ROBO1: variants seen among roughly 807,000 people sequenced by gnomAD.
ROBO1 encodes the protein roundabout guidance receptor 1.
ROBO1 carries 149 observed loss-of-function variants against 195.9 expected under a neutral mutation model. The observed-to-expected ratio is 0.76, with a 90% CI of 0.67 to 0.87. The LOEUF is 0.87. Ranked by LOEUF, ROBO1 falls within the 40% of genes least tolerant of loss-of-function variation. ROBO1 has a pLI of 0.00. For missense variants in ROBO1, 1,933 were observed against 2,068.3 expected (o/e 0.93, Z 1.27); for synonymous variants, 816 against 733.2 (o/e 1.11, Z -1.82).
At chr3:78,918,108 T>G (rs1553764744) in intron 4 of ROBO1, among the ~76,000 whole-genome samples, 1 of 152,220 alleles carries the variant, frequency 6.6e-6, no homozygotes. Flanking sequence ...AACATTAGAT[T>G]GTGAGCATTC....
intron 2 of ROBO1, among the ~76,000 whole-genome samples, chr3:79,138,156 T>C (rs1370521923): frequency 6.6e-6 from 1 of 152,068 alleles, no homozygotes; most frequent in African/African-American, 2.4e-5. Context: ...TGATAATTAT[T>C]TCTAAAAATT....
Position 78,661,058 on chromosome 3 carries a change from T to G in ROBO1, c.2292A>C (p.Glu764Asp). Reference protein sequence around the residue: ...FFNEFQGADSEIKFAKTLEEA... With the variant: ...FFNEFQGADSDIKFAKTLEEA... Reference sequence around the variant, plus strand: ...CTTCCAGGGTTTTGGCAAACTTGATTTCACTATCTGCTCCTTGAAATTCAT... The same window carrying G: ...CTTCCAGGGTTTTGGCAAACTTGATGTCACTATCTGCTCCTTGAAATTCAT... Residue 764 changes from glutamate to aspartate, a missense_variant, in exon 16 of 31, where the codon GAA becomes GAC. Glu to Asp is a conservative substitution (Grantham distance 45). This residue lies in a region of ROBO1 where 1,737 missense variants were observed against 1,882.5 expected (regional missense o/e 0.92). Transcript: ENST00000464233. The G allele has an allele frequency of 1.2e-6, 2 of 1,613,030 alleles. No individual in the cohort carries two copies. The highest frequency in any genetic ancestry group is 1.7e-6 in the Non-Finnish European group (2 of 1,179,378).
At chr3:79,275,412 A>T (rs2030942454) in intron 2 of ROBO1, among the ~76,000 whole-genome samples, 1 of 151,990 alleles carries the variant, frequency 6.6e-6, no homozygotes, top group African/African-American at 2.4e-5. Context: ...CTGAAAAAGC[A>T]TTTGATACAT....
Position 79,191,068 on chromosome 3 carries a change from T to A in ROBO1, c.89-65529A>T, listed in dbSNP as rs112703441. Among the ~76,000 whole-genome samples, 134 of 151,744 alleles carry A rather than the reference T, an allele frequency of 8.8e-4. 1 individual carries two copies. Among genetic ancestry groups the A allele is most frequent in the African/African-American group, 3.1e-3 (129 of 41,496 alleles). On this transcript the variant is annotated intron_variant, in intron 2 of 30. Coordinates refer to ENST00000464233, the MANE Select transcript of ROBO1 (RefSeq NM_002941.4). ...AACTCGTATTTGCTGATAATAATTT[T>A]AAAATATGTAGAAAATATTAATTAA...
rs1489123495 is a variant in ROBO1, at chr3:78,786,602, G to T, written c.500-39702C>A. On this transcript the variant is annotated intron_variant, in intron 4 of 30. Transcript: ENST00000464233. ...GGTAGGAGGTAATTACATCATGGGG[G>T]TGGGTTTTTCCCATGCTGTTCTCCT... Among the ~76,000 whole-genome samples the T allele has an allele frequency of 2.6e-5, 4 of 152,036 alleles. No individual in the cohort carries two copies. In the South Asian group the frequency reaches 8.3e-4, roughly 32 times the overall value.
chr3:79,209,026 G>A lies in ROBO1; in HGVS notation c.89-83487C>T, dbSNP rs866629898. 2.0e-5 allele frequency among the ~76,000 whole-genome samples: 3 copies of A among 152,010 alleles called. No individual in the cohort carries two copies. The South Asian group carries it at 6.2e-4, about 32-fold the overall frequency. On this transcript the variant is annotated intron_variant, in intron 2 of 30. Transcript: ENST00000464233. ...AATTATTTTTTATTTTATTTCAATA[G>A]TTTTGGGGGGAACAGGTGGTTTTGT...
At chr3:79,476,531 G>A (rs919389356) in intron 2 of ROBO1, among the ~76,000 whole-genome samples, 1 of 151,846 alleles carries the variant, frequency 6.6e-6, no homozygotes, top group African/African-American at 2.4e-5. Context: ...ATCAACGAGT[G>A]GATAAATAAA....
At position 78,635,667 on chromosome 3, in the gene ROBO1, C is replaced by T. The variant is rs1258775975; in HGVS notation, c.3373+106G>A. On this transcript the variant is annotated intron_variant, in intron 23 of 30. Coordinates refer to ENST00000464233, the MANE Select transcript of ROBO1 (RefSeq NM_002941.4). Reference sequence around the variant, plus strand: ...CAAAGAAATAAGAAAATCTCAGCGACAGAAGAAAAGATTTTACTTGCTAGT... The same window carrying T: ...CAAAGAAATAAGAAAATCTCAGCGATAGAAGAAAAGATTTTACTTGCTAGT... 5 of 994,782 alleles carry T rather than the reference C, an allele frequency of 5.0e-6. No homozygotes were observed. The East Asian group carries it at 1.3e-4, about 25-fold the overall frequency. 61.6% of individuals were successfully genotyped at this position (994,782 alleles called of 1,614,324 possible).
chr3:78,898,312 T>A (rs2037362737), intron 4 of ROBO1, among the ~76,000 whole-genome samples: 1 of 149,580 alleles, frequency 6.7e-6, no homozygotes, highest in African/African-American at 2.5e-5. Flanking sequence ...AATACACAAG[T>A]CCTCTATGGA....
rs183578907 is a variant in ROBO1, at chr3:78,877,487, G to T, written c.499+61114C>A. Reference sequence around the variant, plus strand: ...AAAAAAAAATAGTACATTGGCTTAGGCTGAATTTCAAAAAGAAAAAAAATC... The same window carrying T: ...AAAAAAAAATAGTACATTGGCTTAGTCTGAATTTCAAAAAGAAAAAAAATC... On this transcript the variant is annotated intron_variant, in intron 4 of 30. Coordinates refer to ENST00000464233, the MANE Select transcript of ROBO1 (RefSeq NM_002941.4). Among the ~76,000 whole-genome samples, 581 of 151,724 alleles carry T rather than the reference G, an allele frequency of 3.8e-3. 7 individuals are homozygous for T. Among genetic ancestry groups the T allele is most frequent in the Middle Eastern group, 6.8e-3 (2 of 292 alleles).
chr3:79,636,884 AT>A (rs1945511447), intron 1 of ROBO1, among the ~76,000 whole-genome samples: 2 of 152,224 alleles, frequency 1.3e-5, no homozygotes, highest in African/African-American at 4.8e-5. Context: ...TGAAGGAAAA[AT>A]ACATTTTGTA....
chr3:79,335,576 T>C (rs2034632138), intron 2 of ROBO1, among the ~76,000 whole-genome samples: 1 of 152,174 alleles, frequency 6.6e-6, no homozygotes, highest in South Asian at 2.1e-4. Flanking sequence ...CCTTCTGCCA[T>C]GATTGTAAGT....
intron 2 of ROBO1, among the ~76,000 whole-genome samples, chr3:79,418,539 A>G (rs1174338143): frequency 6.6e-6 from 1 of 152,184 alleles, no homozygotes; most frequent in Non-Finnish European, 1.5e-5. Context: ...TCTAATAATT[A>G]TTTAATTGCA....
chr3:78,785,935 A>T (rs916265634), intron 4 of ROBO1, among the ~76,000 whole-genome samples: 1 of 152,210 alleles, frequency 6.6e-6, no homozygotes, highest in African/African-American at 2.4e-5. Flanking sequence ...TAACAGGTGA[A>T]TTTGCTAAAT....
rs371970776 is a variant in ROBO1 at position 79,003,597 on chromosome 3, CA to C, written c.173-64671del. 1.9e-3 allele frequency among the ~76,000 whole-genome samples: 281 copies of C among 151,478 alleles called. 2 individuals are homozygous for C. Among genetic ancestry groups the C allele is most frequent in the African/African-American group, 6.5e-3 (271 of 41,392 alleles). On this transcript the variant is annotated intron_variant, in intron 3 of 30. Transcript: ENST00000464233. ...ATCTCAATTTTAATGATAAGGAAAG[CA>C]GCAAAAAAAAGAAAGCACACAAAGA...
chr3:79,736,597 T>C (rs1220805465), intron 1 of ROBO1, among the ~76,000 whole-genome samples: 1 of 152,184 alleles, frequency 6.6e-6, no homozygotes. Flanking sequence ...TTCTGTGTTC[T>C]GTGGGTGTAC....
chr3:79,494,890 T>C (rs964021272), intron 2 of ROBO1, among the ~76,000 whole-genome samples: 6 of 152,188 alleles, frequency 3.9e-5, no homozygotes, highest in African/African-American at 1.2e-4. Flanking sequence ...TGACCCCTAA[T>C]AGGGAGGCTT....
intron 2 of ROBO1, among the ~76,000 whole-genome samples, chr3:79,431,319 C>A (rs1163730579): frequency 1.3e-5 from 2 of 152,052 alleles, no homozygotes; most frequent in Non-Finnish European, 2.9e-5. Context: ...CCATTATAAC[C>A]AAATGAGACT....
intron 2 of ROBO1, among the ~76,000 whole-genome samples, chr3:79,542,253 C>T (rs924717781): frequency 2.0e-5 from 3 of 151,960 alleles, no homozygotes; most frequent in African/African-American, 7.2e-5. Context: ...GAATCTGTAC[C>T]ATTATATTTG....
Sources: gnomAD v4.1 joint callset for allele counts (sites outside exome capture counted in the v4.1 genomes callset) on GRCh38, gnomAD v4.1.1 for gene constraint, gnomAD v4.1.1 regional missense constraint, MANE v1.5 for transcripts, NCBI Gene and HGNC (gene_info 2026-07-23, HGNC 2026-07-21) for gene names.